Variants in ANKS1B observed in about 807,000 individuals in gnomAD.
The protein encoded by ANKS1B is ankyrin repeat and sterile alpha motif domain-containing protein 1B.
Under a neutral mutation model 148.3 loss-of-function variants are expected in ANKS1B, and 36 were observed. That is an observed-to-expected ratio of 0.24 (90% CI 0.19 to 0.32). The LOEUF (loss-of-function observed/expected upper bound fraction) is 0.32. ANKS1B is among the 10% of genes least tolerant of loss of function. The pLI is 1.00. For missense variants in ANKS1B, 1,157 were observed against 1,542.6 expected (o/e 0.75, Z 4.19); for synonymous variants, 542 against 560.8 (o/e 0.97, Z 0.47).
intron 15 of ANKS1B, among the ~76,000 whole-genome samples, chr12:99,108,415 T>C (rs1217699883): frequency 1.3e-5 from 2 of 152,142 alleles, no homozygotes; most frequent in East Asian, 3.8e-4. Flanking sequence ...TTGAAGAACG[T>C]ATAAATGAAT....
intron 11 of ANKS1B, among the ~76,000 whole-genome samples, chr12:99,426,745 G>C (rs774527220): frequency 6.6e-6 from 1 of 152,124 alleles, no homozygotes; most frequent in Non-Finnish European, 1.5e-5. Context: ...AGAAAGCATA[G>C]CAGAAGGGCT....
At chr12:98,807,204 T>C (rs887738912) in intron 20 of ANKS1B, among the ~76,000 whole-genome samples, 2 of 152,186 alleles carry the variant, frequency 1.3e-5, no homozygotes, top group African/African-American at 4.8e-5. Context: ...AGGTGAAATA[T>C]GAACATTTGA....
intron 15 of ANKS1B, among the ~76,000 whole-genome samples, chr12:99,089,502 C>G (rs2053316293): frequency 6.6e-6 from 1 of 152,174 alleles, no homozygotes; most frequent in Non-Finnish European, 1.5e-5. Flanking sequence ...CAGAACATCG[C>G]CATCATTGTA....
At chr12:99,657,593 C>A (rs2098455709) in intron 8 of ANKS1B, among the ~76,000 whole-genome samples, 1 of 149,260 alleles carries the variant, frequency 6.7e-6, no homozygotes, top group African/African-American at 2.5e-5. Context: ...CCCTACAGAT[C>A]CTTTGAGTAA....
intron 12 of ANKS1B, among the ~76,000 whole-genome samples, chr12:99,358,112 T>A (rs113787248): frequency 2.4e-3 from 368 of 152,258 alleles, no homozygotes; most frequent in African/African-American, 6.0e-3. Flanking sequence ...ACCATTTTTT[T>A]AATTTTTATA....
chr12:99,658,282 T>C (rs2153449643), intron 8 of ANKS1B, among the ~76,000 whole-genome samples: 1 of 152,292 alleles, frequency 6.6e-6, no homozygotes, highest in Admixed American at 6.5e-5. Flanking sequence ...ATCTATGCAA[T>C]GGAAAACAAT....
At chr12:99,540,763 CA>C in intron 9 of ANKS1B, among the ~76,000 whole-genome samples, 1 of 149,906 alleles carries the variant, frequency 6.7e-6, no homozygotes, top group Non-Finnish European at 1.5e-5. Context: ...AAATTGAAAG[CA>C]AGCAGAAAAG....
intron 16 of ANKS1B, among the ~76,000 whole-genome samples, chr12:99,076,545 T>C (rs1170796559): frequency 6.6e-6 from 1 of 152,112 alleles, no homozygotes; most frequent in Non-Finnish European, 1.5e-5. Flanking sequence ...CTGAATAGCA[T>C]ATAGTCCCAT....
At chr12:98,953,943 A>G (rs1324205872) in intron 17 of ANKS1B, among the ~76,000 whole-genome samples, 1 of 152,120 alleles carries the variant, frequency 6.6e-6, no homozygotes, top group Non-Finnish European at 1.5e-5. Context: ...TCTTTTTGAT[A>G]TGACCATTCC....
chr12:98,967,637 G>GAGGGGAGGGAAGGGGAGGGA (rs1464980964), intron 17 of ANKS1B, among the ~76,000 whole-genome samples: 1 of 132,646 alleles, frequency 7.5e-6, no homozygotes, highest in African/African-American at 3.0e-5. Context: ...TAGAAGAGGG[G>GAGGGGAGGGAAGGGGAGGGA]AGGGGAGGGA....
chr12:99,005,274 C>A (rs1349357532), intron 17 of ANKS1B, among the ~76,000 whole-genome samples: 1 of 152,144 alleles, frequency 6.6e-6, no homozygotes, highest in South Asian at 2.1e-4. Context: ...CTAGGAAGGG[C>A]GTCGCTGTTG....
intron 17 of ANKS1B, among the ~76,000 whole-genome samples, chr12:99,042,645 A>G (rs2099959830): frequency 6.6e-6 from 1 of 152,176 alleles, no homozygotes; most frequent in South Asian, 2.1e-4. Context: ...CTGCCCCTCC[A>G]TTTGCCCTCC....
chr12:99,648,069 C>T lies in ANKS1B; in HGVS notation c.1272+6998G>A. 2.7e-6 allele frequency: 4 copies of T among 1,477,904 alleles called. No individual in the cohort carries two copies. In the Admixed American group the frequency reaches 6.7e-5, roughly 25 times the overall value. The allele number at this position is 1,477,904 out of a possible 1,614,324, so 91.5% of individuals were successfully genotyped here. On this transcript the variant is annotated intron_variant, in intron 9 of 26. Transcript: ENST00000683438. ...AAAAAAGAAAGCCTGCAGAACACGA[C>T]TGCTGGCCCACCTGCCAGAGTAGCC...
chr12:99,316,510 A>G (rs534907382), intron 12 of ANKS1B, among the ~76,000 whole-genome samples: 4 of 151,920 alleles, frequency 2.6e-5, no homozygotes, highest in Non-Finnish European at 5.9e-5. Context: ...CCACTTTTTG[A>G]TGGGGTTGTT....
intron 17 of ANKS1B, among the ~76,000 whole-genome samples, chr12:98,989,964 A>T (rs920774964): frequency 6.6e-6 from 1 of 151,820 alleles, no homozygotes; most frequent in Non-Finnish European, 1.5e-5. Flanking sequence ...GAAAGAAAAT[A>T]AAAAAAAGAA....
At chr12:99,294,128 A>G (rs564561659) in intron 12 of ANKS1B, among the ~76,000 whole-genome samples, 52 of 152,224 alleles carry the variant, frequency 3.4e-4, no homozygotes, top group Non-Finnish European at 6.9e-4. Context: ...GGTTACTAAA[A>G]AACTACAAAT....
chr12:99,046,500 TAAGAAAGACCC>T (rs1254198770), intron 17 of ANKS1B, among the ~76,000 whole-genome samples: 1 of 152,028 alleles, frequency 6.6e-6, no homozygotes, highest in Admixed American at 6.6e-5. Flanking sequence ...ACAGAAAATA[TAAGAAAGACCC>T]AAGTCTGGCC....
chr12:99,779,821 A>C, intron 6 of ANKS1B, 50 bp downstream of exon 6: 1 of 1,372,428 alleles, frequency 7.3e-7, no homozygotes, highest in Non-Finnish European at 1.0e-6. Context: ...AACAGTTTTA[A>C]TCTCATCTTA....
At chr12:99,276,557 G>A (rs1263429652) in intron 12 of ANKS1B, among the ~76,000 whole-genome samples, 2 of 152,188 alleles carry the variant, frequency 1.3e-5, no homozygotes, top group African/African-American at 4.8e-5. Context: ...TAAGGAGAGA[G>A]ACTTCAAAAG....
Sources: gnomAD v4.1 joint callset for allele counts (sites outside exome capture counted in the v4.1 genomes callset) on GRCh38, gnomAD v4.1.1 for gene constraint, MANE v1.5 for transcripts, NCBI Gene and HGNC (gene_info 2026-07-23, HGNC 2026-07-21) for gene names.